The following KIAA1217 variants were observed in gnomAD, a reference collection of about 807,000 sequenced individuals.
KIAA1217 encodes KIAA1217.
Under a neutral mutation model 163.9 loss-of-function variants are expected in KIAA1217, and 88 were observed. That is an observed-to-expected ratio of 0.54 (90% CI 0.45 to 0.64). The LOEUF (loss-of-function observed/expected upper bound fraction) is 0.64. KIAA1217 is among the 30% of genes least tolerant of loss of function. The pLI, the probability that KIAA1217 is intolerant of heterozygous loss-of-function variation, is 0.00. For missense variants in KIAA1217, 2,372 were observed against 2,475.0 expected (o/e 0.96, Z 0.88); for synonymous variants, 903 against 923.1 (o/e 0.98, Z 0.39).
chr10:24,524,507 G>T lies in KIAA1217; in HGVS notation c.2641G>T (p.Gly881Cys), dbSNP rs181535242. The stretch of plus-strand genomic sequence containing the variant: ...GAAGTCGGAAGTGGTGCCTTTGTCC[G>T]GCATGATGGTTCGCCACGCGCAGAG... ...DAKSEVVPLSGMMVRHAQSSP... is the reference protein window; with the variant it reads ...DAKSEVVPLSCMMVRHAQSSP... Residue 881 changes from glycine to cysteine, a missense_variant, in exon 13 of 21, where the codon GGC becomes TGC. Transcript: ENST00000376454. The T allele has an allele frequency of 3.1e-6, 5 of 1,614,010 alleles. No individual in the cohort carries two copies. Among genetic ancestry groups the T allele is most frequent in the Non-Finnish European group, 4.2e-6 (5 of 1,180,048 alleles).
rs185096452 is a variant in KIAA1217, at chr10:23,845,322, A to G, written c.-321+150088A>G. On this transcript the variant is annotated intron_variant, in intron 1 of 18. Transcript: ENST00000376462. The stretch of plus-strand genomic sequence containing the variant: ...TTGAGGAATCACCACACTGTCTTCC[A>G]CAATGGTTGAACTAATTTACAGTCC... 6.8e-4 allele frequency among the ~76,000 whole-genome samples: 103 copies of G among 152,332 alleles called. 2 individuals are homozygous for G. Among genetic ancestry groups the G allele is most frequent in the Admixed American group, 1.7e-3 (26 of 15,298 alleles).
At chr10:24,152,799 A>G (rs948988284) in intron 2 of KIAA1217, among the ~76,000 whole-genome samples, 3 of 152,100 alleles carry the variant, frequency 2.0e-5, no homozygotes, top group Non-Finnish European at 4.4e-5. Flanking sequence ...ATCTTTCACT[A>G]TACAAGGAAA....
intron 1 of KIAA1217, among the ~76,000 whole-genome samples, chr10:23,887,222 CCA>C (rs1188289459): frequency 2.0e-5 from 3 of 151,604 alleles, no homozygotes; most frequent in Non-Finnish European, 4.4e-5. Context: ...ATAATGTGTG[CCA>C]GAGTCTTTTT....
At chr10:24,132,781 T>C (rs1291907939) in intron 2 of KIAA1217, among the ~76,000 whole-genome samples, 1 of 152,174 alleles carries the variant, frequency 6.6e-6, no homozygotes, top group Non-Finnish European at 1.5e-5. Context: ...ATAATTTCTA[T>C]TTTCAAAAAG....
chr10:24,462,548 G>GT, intron 5 of KIAA1217, among the ~76,000 whole-genome samples: 1 of 152,340 alleles, frequency 6.6e-6, no homozygotes, highest in Admixed American at 6.5e-5. Flanking sequence ...TCACTGCTTA[G>GT]CAGCTATGGG....
At position 24,246,614 on chromosome 10, in the gene KIAA1217, G is replaced by A. The variant is rs117531971; in HGVS notation, c.354+26705G>A. Among the ~76,000 whole-genome samples, 426 of 152,302 alleles carry A rather than the reference G, an allele frequency of 2.8e-3. 5 individuals carry two copies. In the East Asian group the frequency reaches 0.054, roughly 19 times the overall value. ...AGTTATATTTAGTAAACAATCTACC[G>A]AGCAGTAGAGTTAATATGATCCCAT... On this transcript the variant is annotated intron_variant, in intron 2 of 20. Coordinates refer to ENST00000376454, the MANE Select transcript of KIAA1217 (RefSeq NM_019590.5).
rs200034563 is a variant in KIAA1217, at chr10:24,473,322, C to T, written c.941C>T (p.Pro314Leu). 6.4e-7 allele frequency: 1 copy of T among 1,566,072 alleles called. No individual in the cohort carries two copies. Among genetic ancestry groups the T allele is most frequent in the East Asian group, 2.2e-5 (1 of 44,450 alleles). Residue 314 changes from proline (P) to leucine (L), a missense_variant, in exon 6 of 21, where the codon CCA (proline) becomes CTA (leucine). Transcript: ENST00000376454. ...AHPPHAIPNS[P>L]PSTPVPHSMP... is the part of the protein sequence containing the mutation. ...CCACCCCATGCGATTCCAAATTCCC[C>T]ACCGTCTACTCCAGTGCCCCATTCC...
intron 3 of KIAA1217, among the ~76,000 whole-genome samples, chr10:24,384,948 G>A (rs192679925): frequency 1.3e-5 from 2 of 152,302 alleles, no homozygotes; most frequent in East Asian, 3.9e-4. Context: ...CCCAGTGCTG[G>A]CCCCTCATGT....
At chr10:24,211,624 A>T (rs569935527) in intron 1 of KIAA1217, among the ~76,000 whole-genome samples, 2 of 150,658 alleles carry the variant, frequency 1.3e-5, no homozygotes, top group African/African-American at 2.5e-5. Context: ...GGGTCTTGCT[A>T]TGTTGCCCAG....
At chr10:24,276,191 T>C (rs1036683580) in intron 2 of KIAA1217, among the ~76,000 whole-genome samples, 1 of 152,214 alleles carries the variant, frequency 6.6e-6, no homozygotes, top group Non-Finnish European at 1.5e-5. Context: ...ATTATTCTAA[T>C]AAGAATACAA....
intron 1 of KIAA1217, among the ~76,000 whole-genome samples, chr10:23,922,611 G>C (rs933411648): frequency 6.6e-6 from 1 of 152,142 alleles, no homozygotes; most frequent in Non-Finnish European, 1.5e-5. Flanking sequence ...CACCCAGTTG[G>C]TGTCTACAGA....
At chr10:24,313,401 G>A (rs934330761) in intron 2 of KIAA1217, among the ~76,000 whole-genome samples, 8 of 152,154 alleles carry the variant, frequency 5.3e-5, no homozygotes, top group Non-Finnish European at 2.9e-5. Flanking sequence ...TTCTTATTTC[G>A]AGTGAGCAGC....
intron 5 of KIAA1217, among the ~76,000 whole-genome samples, chr10:24,457,552 T>G (rs980024438): frequency 2.2e-4 from 33 of 152,070 alleles, no homozygotes; most frequent in African/African-American, 6.8e-4. Context: ...TGCACCACCA[T>G]GCCTGGCTAA....
chr10:24,074,543 A>T (rs1450089624), intron 2 of KIAA1217, among the ~76,000 whole-genome samples: 1 of 152,154 alleles, frequency 6.6e-6, no homozygotes, highest in Non-Finnish European at 1.5e-5. Context: ...TTTGTTACAT[A>T]AAAAATGTCA....
chr10:24,410,854 C>T (rs77890708), intron 3 of KIAA1217, among the ~76,000 whole-genome samples: 7,608 of 152,240 alleles, frequency 0.05, 183 homozygotes, highest in Admixed American at 0.059. Context: ...TCTTTATGGG[C>T]AAATTGTAAC....
At chr10:24,194,314 C>T (rs1220586175) in intron 2 of KIAA1217, among the ~76,000 whole-genome samples, 1 of 109,852 alleles carries the variant, frequency 9.1e-6, no homozygotes, top group Non-Finnish European at 1.9e-5. Flanking sequence ...CTCCCCTCCT[C>T]TCCCCTCTCC....
chr10:24,242,629 T>C (rs1363044992), intron 2 of KIAA1217, among the ~76,000 whole-genome samples: 1 of 152,202 alleles, frequency 6.6e-6, no homozygotes, highest in Non-Finnish European at 1.5e-5. Context: ...CTGAGTCAAA[T>C]GGTAGTTCTG....
At chr10:23,790,184 C>T (rs1230724978) in intron 1 of KIAA1217, among the ~76,000 whole-genome samples, 9 of 70,022 alleles carry the variant, frequency 1.3e-4, no homozygotes, top group South Asian at 4.5e-4. Context: ...TATGCATATA[C>T]ACATATACAC....
In KIAA1217 at chr10:23,841,980, G is replaced by A. The variant is rs1838809596; in HGVS notation, c.-321+146746G>A. On this transcript the variant is annotated intron_variant, in intron 1 of 18. Transcript: ENST00000376462. ...CCTCCCAGGTTCAAGCTATTCTCCA[G>A]CCTCAACCTCCCAAGTAGCTGGGAT... 3.3e-5 allele frequency among the ~76,000 whole-genome samples: 5 copies of A among 151,942 alleles called. No homozygotes were observed. In the South Asian group the frequency reaches 1.0e-3, roughly 32 times the overall value.
Sources: gnomAD v4.1 joint callset for allele counts (sites outside exome capture counted in the v4.1 genomes callset) on GRCh38, gnomAD v4.1.1 for gene constraint, MANE v1.5 for transcripts, NCBI Gene and HGNC (gene_info 2026-07-23, HGNC 2026-07-21) for gene names.